The following BMPR1A variants were observed in gnomAD, a reference collection of about 807,000 sequenced individuals.
The protein encoded by BMPR1A is bone morphogenetic protein receptor type-1A.
A neutral mutation model predicts 66.0 loss-of-function variants in BMPR1A; 7 were observed. The ratio of observed to expected loss-of-function variants is 0.11; its 90% CI spans 0.06 to 0.20. The LOEUF (loss-of-function observed/expected upper bound fraction) is 0.20. Ranked by LOEUF, BMPR1A falls within the 10% of genes least tolerant of loss-of-function variation. The pLI, the probability that BMPR1A is intolerant of heterozygous loss-of-function variation, is 1.00. For missense variants in BMPR1A, 408 were observed against 669.1 expected (o/e 0.61, Z 4.31); for synonymous variants, 200 against 229.7 (o/e 0.87, Z 1.17).
intron 1 of BMPR1A, among the ~76,000 whole-genome samples, chr10:86,828,824 G>A (rs558099560): frequency 2.0e-4 from 30 of 152,138 alleles, no homozygotes; most frequent in African/African-American, 6.3e-4. Flanking sequence ...TCTACTGGCC[G>A]AATTGGATTT....
intron 1 of BMPR1A, among the ~76,000 whole-genome samples, chr10:86,781,331 C>T (rs547785389): frequency 3.3e-5 from 5 of 152,186 alleles, no homozygotes; most frequent in African/African-American, 4.8e-5. Flanking sequence ...GTGAGAAATC[C>T]GCTGGCTGTA....
chr10:86,900,406 A>G (rs957423105), intron 7 of BMPR1A, among the ~76,000 whole-genome samples: 6 of 151,944 alleles, frequency 3.9e-5, no homozygotes, highest in African/African-American at 1.5e-4. Flanking sequence ...TGTCCCAAGA[A>G]ACCCACTGTG....
chr10:86,773,071 G>T (rs561012433), intron 1 of BMPR1A, among the ~76,000 whole-genome samples: 1 of 151,896 alleles, frequency 6.6e-6, no homozygotes, highest in South Asian at 2.1e-4. Flanking sequence ...TGTAGGGGTG[G>T]GGGTATCTGA....
intron 1 of BMPR1A, among the ~76,000 whole-genome samples, chr10:86,780,028 C>T (rs1841412000): frequency 6.6e-6 from 1 of 152,194 alleles, no homozygotes; most frequent in African/African-American, 2.4e-5. Flanking sequence ...ACCTTGGCCT[C>T]CCGAACGCTG....
chr10:86,794,791 G>A (rs1387919118), intron 1 of BMPR1A, among the ~76,000 whole-genome samples: 2 of 150,830 alleles, frequency 1.3e-5, no homozygotes, highest in Non-Finnish European at 2.9e-5. Flanking sequence ...ATAGTCACTA[G>A]GATTTAAAAT....
intron 2 of BMPR1A, among the ~76,000 whole-genome samples, chr10:86,854,378 A>C (rs569414536): frequency 1.4e-4 from 22 of 152,296 alleles, no homozygotes; most frequent in African/African-American, 5.1e-4. Context: ...TGACAGGATT[A>C]AGAGATTAAA....
At chr10:86,919,599 TGG>T (rs56183521) in intron 10 of BMPR1A, 130 bp downstream of exon 10, 1 of 1,210,216 alleles carries the variant, frequency 8.3e-7, no homozygotes, top group Non-Finnish European at 1.2e-6. Flanking sequence ...AATGTATAGT[TGG>T]GGGGGATTTT....
chr10:86,876,751 G>A (rs1387968152), intron 3 of BMPR1A, among the ~76,000 whole-genome samples: 1 of 152,190 alleles, frequency 6.6e-6, no homozygotes, highest in Non-Finnish European at 1.5e-5. Context: ...TAGCCTGGGC[G>A]ACAGAGCAAG....
At chr10:86,787,784 C>T (rs1022452007) in intron 1 of BMPR1A, among the ~76,000 whole-genome samples, 3 of 152,134 alleles carry the variant, frequency 2.0e-5, no homozygotes, top group Non-Finnish European at 2.9e-5. Context: ...GCAGGCCTAT[C>T]TTCACATGAC....
intron 1 of BMPR1A, among the ~76,000 whole-genome samples, chr10:86,808,740 A>G (rs1841926242): frequency 6.6e-6 from 1 of 152,218 alleles, no homozygotes; most frequent in South Asian, 2.1e-4. Flanking sequence ...ACTTCCTTAA[A>G]TGTACAAAGA....
rs1564726717 is a variant in BMPR1A at position 86,926,186 on chromosome 10, CAT to C, written c.*2468_*2469del. 6.1e-6 allele frequency: 1 copy of C among 163,226 alleles called. No homozygotes were observed. Among genetic ancestry groups the C allele is most frequent in the Non-Finnish European group, 1.3e-5 (1 of 74,524 alleles). The allele number at this position is 163,226 out of a possible 1,614,324, so 10.1% of individuals were successfully genotyped here. A position where few individuals can be genotyped will look rare whatever the true frequency, so the allele number is the denominator to read the frequency against. On this transcript the variant is annotated 3_prime_UTR_variant, in exon 13 of 13. Coordinates refer to ENST00000372037, the MANE Select transcript of BMPR1A (RefSeq NM_004329.3). ...TCAGTAAAAACATTTTCTAGTATAA[CAT>C]GTTCTTTAAAAAGCAAATGCTGCCG...
intron 2 of BMPR1A, among the ~76,000 whole-genome samples, chr10:86,840,446 T>TAA (rs1483483697): frequency 2.0e-5 from 3 of 152,216 alleles, no homozygotes; most frequent in Non-Finnish European, 4.4e-5. Flanking sequence ...CTTATTTAAT[T>TAA]ACTCCTTGAC....
chr10:86,866,764 C>G (rs1234098285), intron 2 of BMPR1A, among the ~76,000 whole-genome samples: 1 of 151,912 alleles, frequency 6.6e-6, no homozygotes, highest in Non-Finnish European at 1.5e-5. Flanking sequence ...TTCCAGTTTC[C>G]TGTTTAACAT....
chr10:86,885,020 A>G (rs1353521045), intron 3 of BMPR1A, among the ~76,000 whole-genome samples: 6 of 152,176 alleles, frequency 3.9e-5, no homozygotes, highest in Admixed American at 2.0e-4. Context: ...GCCCATTTCT[A>G]TGCTTTCTGG....
chr10:86,930,134 A>C (rs539652301), downstream of BMPR1A: 1 of 152,348 alleles, frequency 6.6e-6, no homozygotes, highest in East Asian at 1.9e-4. Context: ...TGGAGACTTA[A>C]ATGTGTGAGT....
chr10:86,922,670 C>G (rs1343714164), intron 11 of BMPR1A, among the ~76,000 whole-genome samples: 1 of 152,228 alleles, frequency 6.6e-6, no homozygotes, highest in African/African-American at 2.4e-5. Context: ...CTAGTTGTGA[C>G]AACACATACA....
intron 1 of BMPR1A, among the ~76,000 whole-genome samples, chr10:86,812,926 T>G (rs1200770046): frequency 6.6e-6 from 1 of 152,208 alleles, no homozygotes; most frequent in Non-Finnish European, 1.5e-5. Flanking sequence ...TCATAGAGAA[T>G]AGTTTCACTG....
At chr10:86,872,842 A>G (rs912415886) in intron 2 of BMPR1A, among the ~76,000 whole-genome samples, 1 of 152,146 alleles carries the variant, frequency 6.6e-6, no homozygotes, top group Non-Finnish European at 1.5e-5. Flanking sequence ...GTAGCCTGGA[A>G]TTTCTGGGCT....
In BMPR1A at chr10:86,875,148, G is replaced by A. The variant is rs371517452; in HGVS notation, c.-152-719G>A. On this transcript the variant is annotated intron_variant, in intron 2 of 12. Coordinates refer to ENST00000372037, the MANE Select transcript of BMPR1A (RefSeq NM_004329.3). Reference sequence around the variant, plus strand: ...AGCACTTTGGGAGGCTGAGGCTGGCGGATCACCTGAGGTCAGGAGTTTGAG... The same window carrying A: ...AGCACTTTGGGAGGCTGAGGCTGGCAGATCACCTGAGGTCAGGAGTTTGAG... 3.5e-4 allele frequency among the ~76,000 whole-genome samples: 53 copies of A among 151,920 alleles called. No individual in the cohort carries two copies. The East Asian group carries it at 8.7e-3, about 25-fold the overall frequency.
Sources: allele counts gnomAD v4.1 joint callset (sites outside exome capture counted in the v4.1 genomes callset), GRCh38; gene constraint gnomAD v4.1.1; transcripts MANE v1.5; gene names NCBI Gene and HGNC (gene_info 2026-07-23, HGNC 2026-07-21).